Variants in ELAC2 observed in about 807,000 individuals in gnomAD.
The protein encoded by ELAC2 is zinc phosphodiesterase ELAC protein 2.
ELAC2 carries 92 observed loss-of-function variants against 105.2 expected under a neutral mutation model. The observed-to-expected ratio is 0.87, with a 90% CI of 0.74 to 1.04. ELAC2 has a LOEUF of 1.04. Among genes scored for constraint, ELAC2 ranks in the 50% least tolerant of loss-of-function variants. ELAC2 has a pLI of 0.00. For synonymous variants in ELAC2, 468 were observed against 409.1 expected (o/e 1.14, Z -1.74); for missense variants, 1,099 against 1,071.7 (o/e 1.03, Z -0.36).
chr17:13,017,453 A>T, intron 1 of ELAC2: 1 of 751,068 alleles, frequency 1.3e-6, no homozygotes, highest in Non-Finnish European at 2.1e-6. Flanking sequence ...GAAAGTGCTG[A>T]CAGCCAGGCC....
chr17:12,993,319 G>A (rs565937844), intron 23 of ELAC2, among the ~76,000 whole-genome samples: 18 of 152,316 alleles, frequency 1.2e-4, no homozygotes, highest in Middle Eastern at 3.4e-3. Flanking sequence ...ACGAGGCCTG[G>A]CTCCGGCTCT....
rs374556307 is a variant in ELAC2 at position 12,992,201 on chromosome 17, A to AGACTT, written c.*612_*616dup. On this transcript the variant is annotated 3_prime_UTR_variant, in exon 24 of 24. Coordinates refer to ENST00000338034, the MANE Select transcript of ELAC2 (RefSeq NM_018127.7). ...GCTGGCACAGCTCGAGTTGTCAAAA[A>AGACTT]GACTTGGCGAATAAGGGTGGCTCTC... Among the ~76,000 whole-genome samples the AGACTT allele has an allele frequency of 6.5e-4, 99 of 152,224 alleles. No individual in the cohort carries two copies. Among genetic ancestry groups the AGACTT allele is most frequent in the African/African-American group, 2.2e-3 (91 of 41,544 alleles).
chr17:13,017,789 G>A lies in ELAC2; in HGVS notation c.159C>T (p.Gly53=), dbSNP rs200251607. The A allele has an allele frequency of 8.5e-5, 137 of 1,608,304 alleles. No individual in the cohort carries two copies. The African/African-American group carries it at 1.4e-3, about 17-fold the overall frequency. ...REKRGPSGCS[G]GPNTVYLQVV... is the part of the protein sequence containing the mutation. ...CCTGCAGGTACACGGTGTTTGGGCC[G>A]CCGGAGCACCCCGACGGTCCGCGCT... Residue 53 remains glycine (G), a synonymous_variant, in exon 1 of 24, where the codon GGC becomes GGT. Coordinates refer to ENST00000338034, the MANE Select transcript of ELAC2 (RefSeq NM_018127.7).
chr17:12,994,477 C>G lies in ELAC2; in HGVS notation c.2056G>C (p.Glu686Gln). The G allele has an allele frequency of 6.2e-7, 1 of 1,614,176 alleles. No homozygotes were observed. The highest frequency in any genetic ancestry group is 8.5e-7 in the Non-Finnish European group (1 of 1,180,038). The change falls in exon 22 of 24, where the codon GAA becomes CAA. Residue 686 changes from glutamate to glutamine, a missense_variant. Transcript: ENST00000338034. ...MGKDATLLIHEATLEDGLEEE... is the reference protein window; with the variant it reads ...MGKDATLLIHQATLEDGLEEE... ...TCCAAACCATCTTCCAGGGTGGCTT[C>G]ATGTATCAGGAGGGTGGCATCTTTC... is the stretch of plus-strand genomic sequence containing the variant.
chr17:12,992,147 ATT>A lies in ELAC2; in HGVS notation c.*669_*670del, dbSNP rs2040212066. Among the ~76,000 whole-genome samples, 3 of 150,784 alleles carry A rather than the reference ATT, an allele frequency of 2.0e-5. No individual in the cohort carries two copies. The highest frequency in any genetic ancestry group is 6.6e-5 in the Admixed American group (1 of 15,210). On this transcript the variant is annotated 3_prime_UTR_variant, in exon 24 of 24. Coordinates refer to ENST00000338034, the MANE Select transcript of ELAC2 (RefSeq NM_018127.7). Reference sequence around the variant, plus strand: ...ATTGATTTGATTGATTGATTGATTGATTGATAGAGAAAGCACGCCCTGCTGTG... The same window carrying A: ...ATTGATTTGATTGATTGATTGATTGAGATAGAGAAAGCACGCCCTGCTGTG...
rs2143590376 is a variant in ELAC2 at position 13,000,169 on chromosome 17, G to A, written c.1410C>T (p.Gly470=). Residue 470 remains glycine, a synonymous_variant, in exon 15 of 24, where the codon GGC becomes GGT. Coordinates refer to ENST00000338034, the MANE Select transcript of ELAC2 (RefSeq NM_018127.7). ...GCTCCCACTCACCTGCTGGGGCTGG[G>A]CCGTCCTGCGCACTCCTCCTGTACT... ...VQEYRRSAQD[G]PAPAEKRSQY... The A allele has an allele frequency of 1.2e-6, 2 of 1,613,514 alleles. No homozygotes were observed. Among genetic ancestry groups the A allele is most frequent in the Non-Finnish European group, 1.7e-6 (2 of 1,180,010 alleles).
Position 13,002,757 on chromosome 17 carries a change from G to T in ELAC2, c.1080-178C>A, listed in dbSNP as rs866506356. On this transcript the variant is annotated intron_variant, in intron 12 of 23. Coordinates refer to ENST00000338034, the MANE Select transcript of ELAC2 (RefSeq NM_018127.7). ...CCCACTCCTGCTGTCTCAAAGCCCG[G>T]TGTTCCCTAGCTCAGCTGCCTTTCA... The T allele has an allele frequency of 4.8e-5, 47 of 971,422 alleles. No individual in the cohort carries two copies. In the African/African-American group the frequency reaches 5.8e-4, roughly 12 times the overall value. The allele number at this position is 971,422 out of a possible 1,614,324, so 60.2% of individuals were successfully genotyped here. A position where few individuals can be genotyped will look rare whatever the true frequency, so the allele number is the denominator to read the frequency against.
chr17:13,010,561 G>T, intron 8 of ELAC2, 52 bp downstream of exon 8: 1 of 1,548,270 alleles, frequency 6.5e-7, no homozygotes, highest in Admixed American at 1.7e-5. Context: ...CAAACCAGAG[G>T]TCGCTGACCA....
Position 13,002,680 on chromosome 17 carries a change from A to C in ELAC2, c.1080-101T>G, listed in dbSNP as rs1325193130. ...GAGTGGTAATGAGGATGAGGTGTTCAAACAGTTCAGTGACTTGCCCCAAGC... is the reference window on the plus strand; with the variant it reads ...GAGTGGTAATGAGGATGAGGTGTTCCAACAGTTCAGTGACTTGCCCCAAGC... On this transcript the variant is annotated intron_variant, in intron 12 of 23. Transcript: ENST00000338034. The C allele has an allele frequency of 1.4e-5, 22 of 1,534,132 alleles. No individual in the cohort carries two copies. The South Asian group carries it at 2.4e-4, about 17-fold the overall frequency.
chr17:13,016,776 C>T, intron 3 of ELAC2, 86 bp downstream of exon 3: 1 of 1,325,224 alleles, frequency 7.5e-7, no homozygotes, highest in Non-Finnish European at 1.1e-6. Context: ...AAGTAGCTGC[C>T]CACCCCAGAC....
At chr17:13,011,639 G>C in intron 7 of ELAC2, 24 bp downstream of exon 7, 1 of 1,614,174 alleles carries the variant, frequency 6.2e-7, no homozygotes, top group Non-Finnish European at 8.5e-7. Flanking sequence ...CCTTTCTGCT[G>C]CTCTGTTTTG....
In ELAC2 at chr17:13,004,983, C is replaced by G. The variant is rs1288953158; in HGVS notation, c.983+6G>C. ...CACTTCTCCCACCCTAGAGACCCCT[C>G]ATTACCTCTGAAAGGTGGCATTCTC... On this transcript the variant is annotated splice_donor_region_variant and intron_variant, in intron 11 of 23. Coordinates refer to ENST00000338034, the MANE Select transcript of ELAC2 (RefSeq NM_018127.7). 19 of 1,607,930 alleles carry G rather than the reference C, an allele frequency of 1.2e-5. No homozygotes were observed. Among genetic ancestry groups the G allele is most frequent in the Non-Finnish European group, 1.6e-5 (19 of 1,174,596 alleles).
At chr17:12,993,542 C>T (rs1232281329) in intron 23 of ELAC2, 145 bp downstream of exon 23, 19 of 1,249,958 alleles carry the variant, frequency 1.5e-5, no homozygotes, top group East Asian at 1.0e-4. Context: ...CAGGGTGGTT[C>T]GACCTGGTTA....
chr17:13,015,966 G>A (rs1480109398), intron 3 of ELAC2, 134 bp from the exon 4 acceptor site: 6 of 747,490 alleles, frequency 8.0e-6, no homozygotes, highest in Non-Finnish European at 1.4e-5. Flanking sequence ...CAGGGAAGAT[G>A]TACAGAGCAG....
At chr17:13,008,399 C>G (rs191925702) in intron 8 of ELAC2, among the ~76,000 whole-genome samples, 1 of 151,988 alleles carries the variant, frequency 6.6e-6, no homozygotes, top group Non-Finnish European at 1.5e-5. Context: ...GTAGTCCCAG[C>G]TACTCGGGAG....
intron 17 of ELAC2, chr17:12,996,228 G>C: frequency 3.2e-6 from 2 of 630,056 alleles, no homozygotes; most frequent in Non-Finnish European, 5.6e-6. Context: ...AGGAGACCAA[G>C]GTGAGGGTCT....
intron 8 of ELAC2, among the ~76,000 whole-genome samples, chr17:13,008,304 G>A (rs575002895): frequency 4.6e-5 from 7 of 151,786 alleles, no homozygotes; most frequent in African/African-American, 7.3e-5. Flanking sequence ...GAAATCAAGA[G>A]ATCCAGACCA....
At chr17:13,017,462 C>A in intron 1 of ELAC2, 1 of 810,702 alleles carries the variant, frequency 1.2e-6, no homozygotes, top group Non-Finnish European at 1.9e-6. Context: ...GACAGCCAGG[C>A]CGGGGCCCAA....
At chr17:13,008,454 G>A (rs1161498220) in intron 8 of ELAC2, among the ~76,000 whole-genome samples, 1 of 152,096 alleles carries the variant, frequency 6.6e-6, no homozygotes, top group Non-Finnish European at 1.5e-5. Flanking sequence ...AGAGGTTGCA[G>A]TGAGCCAAGA....
Sources: gnomAD v4.1 joint callset for allele counts (sites outside exome capture counted in the v4.1 genomes callset) on GRCh38, gnomAD v4.1.1 for gene constraint, MANE v1.5 for transcripts, NCBI Gene and HGNC (gene_info 2026-07-23, HGNC 2026-07-21) for gene names.